The following NRG1 variants were observed in gnomAD, a reference collection of about 807,000 sequenced individuals.
NRG1 encodes the protein pro-neuregulin-1, membrane-bound isoform.
In NRG1, 18 loss-of-function variants were observed where a neutral mutation model predicts 63.8. That is an observed-to-expected ratio of 0.28 (90% CI 0.19 to 0.42). The LOEUF (loss-of-function observed/expected upper bound fraction) is 0.42. Ranked by LOEUF, NRG1 falls within the 10% of genes least tolerant of loss-of-function variation. The pLI, the probability that NRG1 is intolerant of heterozygous loss-of-function variation, is 1.00. For missense variants in NRG1, 762 were observed against 814.7 expected (o/e 0.94, Z 0.79); for synonymous variants, 302 against 301.3 (o/e 1.00, Z -0.02).
intron 1 of NRG1, among the ~76,000 whole-genome samples, chr8:32,017,541 C>T (rs1272566094): frequency 1.3e-5 from 2 of 152,216 alleles, no homozygotes; most frequent in Non-Finnish European, 2.9e-5. Context: ...CCGTTCGCTT[C>T]ACATGGCAGT....
chr8:31,779,503 T>C (rs968810196), intron 1 of NRG1, among the ~76,000 whole-genome samples: 7 of 152,106 alleles, frequency 4.6e-5, no homozygotes. Context: ...TGTGCTATGT[T>C]GTGAGTAAGA....
chr8:31,992,485 G>T (rs1811266609), intron 1 of NRG1, among the ~76,000 whole-genome samples: 1 of 151,948 alleles, frequency 6.6e-6, no homozygotes, highest in South Asian at 2.1e-4. Flanking sequence ...AAAACTAGGA[G>T]CCAAATGCAG....
chr8:32,312,765 C>T (rs1856963683), intron 1 of NRG1, among the ~76,000 whole-genome samples: 1 of 141,224 alleles, frequency 7.1e-6, no homozygotes, highest in Admixed American at 7.5e-5. Flanking sequence ...ACCAAACTTC[C>T]CTCCCTCCCT....
At chr8:31,917,946 G>A (rs1833549779) in intron 1 of NRG1, among the ~76,000 whole-genome samples, 1 of 152,204 alleles carries the variant, frequency 6.6e-6, no homozygotes, top group Admixed American at 6.5e-5. Flanking sequence ...GGATTCCTAG[G>A]TATTTTATTT....
At chr8:32,373,218 G>A (rs75403613) in intron 1 of NRG1, among the ~76,000 whole-genome samples, 1,682 of 152,112 alleles carry the variant, frequency 0.011, 8 homozygotes, top group Non-Finnish European at 0.016. Context: ...TTTTTAAAAA[G>A]GCATATATCC....
At chr8:32,631,335 G>A (rs904483164) in intron 5 of NRG1, among the ~76,000 whole-genome samples, 1 of 152,006 alleles carries the variant, frequency 6.6e-6, no homozygotes, top group Non-Finnish European at 1.5e-5. Context: ...AACCCCCAAG[G>A]CTCTCCTTTT....
intron 5 of NRG1, among the ~76,000 whole-genome samples, chr8:32,624,907 A>G (rs559416089): frequency 1.3e-5 from 2 of 152,308 alleles, no homozygotes; most frequent in South Asian, 4.1e-4. Flanking sequence ...TACCAGAGTA[A>G]TTGTATGTTG....
At chr8:31,763,841 T>C (rs1817790240) in intron 1 of NRG1, among the ~76,000 whole-genome samples, 1 of 151,884 alleles carries the variant, frequency 6.6e-6, no homozygotes, top group Admixed American at 6.6e-5. Context: ...TCCCAGCTAC[T>C]TGGGAGGCTG....
At chr8:31,790,826 G>C (rs1820626077) in intron 1 of NRG1, among the ~76,000 whole-genome samples, 1 of 152,184 alleles carries the variant, frequency 6.6e-6, no homozygotes, top group Non-Finnish European at 1.5e-5. Flanking sequence ...CCAGAGACAT[G>C]AGACACCTTG....
intron 1 of NRG1, among the ~76,000 whole-genome samples, chr8:32,073,856 T>A (rs1261697104): frequency 6.6e-6 from 1 of 152,230 alleles, no homozygotes; most frequent in East Asian, 1.9e-4. Context: ...AGTTATTTTT[T>A]TCATGTCCTA....
At chr8:32,416,902 T>C (rs61016492) in intron 1 of NRG1, among the ~76,000 whole-genome samples, 31,367 of 151,986 alleles carry the variant, frequency 0.21, 4,089 homozygotes, top group East Asian at 0.74. Context: ...CCCAGGCTGG[T>C]CTTGAACTCC....
At chr8:32,176,106 C>A (rs2132059242) in intron 1 of NRG1, among the ~76,000 whole-genome samples, 1 of 152,302 alleles carries the variant, frequency 6.6e-6, no homozygotes, top group East Asian at 1.9e-4. Context: ...ACCAAAACAG[C>A]ATGGTACTGA....
At chr8:32,249,390 C>G (rs1050834894) in intron 1 of NRG1, among the ~76,000 whole-genome samples, 18 of 152,158 alleles carry the variant, frequency 1.2e-4, no homozygotes, top group Admixed American at 7.2e-4. Flanking sequence ...AGCCATGGGT[C>G]AAGAGTGGAC....
At chr8:32,087,564 G>A (rs1336024428) in intron 1 of NRG1, among the ~76,000 whole-genome samples, 2 of 132,908 alleles carry the variant, frequency 1.5e-5, no homozygotes, top group East Asian at 2.3e-4. Flanking sequence ...TTCGCCTCCC[G>A]GGTTCAAGCA....
At chr8:31,905,911 G>T (rs1223015171) in intron 1 of NRG1, among the ~76,000 whole-genome samples, 2 of 152,126 alleles carry the variant, frequency 1.3e-5, no homozygotes, top group Admixed American at 1.3e-4. Flanking sequence ...AATATAATTT[G>T]TCTATTCTAA....
At chr8:31,666,845 T>A (rs1280165698) in intron 1 of NRG1, among the ~76,000 whole-genome samples, 1 of 152,226 alleles carries the variant, frequency 6.6e-6, no homozygotes, top group Non-Finnish European at 1.5e-5. Flanking sequence ...AGGTTTCACA[T>A]TCTAAAATGA....
At chr8:32,298,852 C>G (rs1345547443) in intron 1 of NRG1, among the ~76,000 whole-genome samples, 2 of 151,022 alleles carry the variant, frequency 1.3e-5, no homozygotes, top group East Asian at 3.9e-4. Flanking sequence ...CATTGTGAAA[C>G]CCCGTCTCTA....
chr8:32,443,981 C>T (rs964774842), intron 1 of NRG1, among the ~76,000 whole-genome samples: 11 of 151,504 alleles, frequency 7.3e-5, no homozygotes, highest in Non-Finnish European at 1.0e-4. Flanking sequence ...AATTTCCTCC[C>T]TTCCCTTCTT....
intron 8 of NRG1, among the ~76,000 whole-genome samples, chr8:32,755,008 T>C (rs1829422596): frequency 6.6e-6 from 1 of 152,058 alleles, no homozygotes; most frequent in Non-Finnish European, 1.5e-5. Context: ...TGAAATGCAG[T>C]TTTCTGAGTT....
Sources: gnomAD v4.1 joint callset for allele counts (sites outside exome capture counted in the v4.1 genomes callset) on GRCh38, gnomAD v4.1.1 for gene constraint, MANE v1.5 for transcripts, NCBI Gene and HGNC (gene_info 2026-07-23, HGNC 2026-07-21) for gene names.